NRG1: variants seen among roughly 807,000 people sequenced by gnomAD.
The protein encoded by NRG1 is neuregulin 1.
A neutral mutation model predicts 63.8 loss-of-function variants in NRG1; 18 were observed. The observed-to-expected ratio is 0.28, with a 90% CI of 0.19 to 0.42. The LOEUF (loss-of-function observed/expected upper bound fraction) is 0.42, where lower values mean the gene tolerates loss of function less well. NRG1 is among the 10% of genes least tolerant of loss of function. The pLI, the probability that NRG1 is intolerant of heterozygous loss-of-function variation, is 1.00. For synonymous variants in NRG1, 302 were observed against 301.3 expected, an observed-to-expected ratio of 1.00 and a Z score of -0.02; for missense variants, 762 against 814.7, an observed-to-expected ratio of 0.94 and a Z score of 0.79.
intron 1 of NRG1, among the ~76,000 whole-genome samples, chr8:32,106,871 G>A (rs1366261345): frequency 6.6e-6 from 1 of 151,968 alleles, no homozygotes; most frequent in Non-Finnish European, 1.5e-5. Flanking sequence ...TGATTTTAAA[G>A]GCCCTTGAAA....
At chr8:32,188,910 T>C (rs910858107) in intron 1 of NRG1, among the ~76,000 whole-genome samples, 2 of 151,960 alleles carry the variant, frequency 1.3e-5, no homozygotes, top group Non-Finnish European at 1.5e-5. Context: ...TGTATACATA[T>C]GTAACTAACC....
chr8:32,506,525 A>G (rs1248683065), intron 1 of NRG1, among the ~76,000 whole-genome samples: 1 of 152,214 alleles, frequency 6.6e-6, no homozygotes, highest in Non-Finnish European at 1.5e-5. Context: ...AGAGAAAACA[A>G]TGGCTGTCTC....
intron 5 of NRG1, among the ~76,000 whole-genome samples, chr8:32,689,537 C>A (rs41511347): frequency 0.036 from 5,402 of 152,104 alleles, 154 homozygotes; most frequent in Middle Eastern, 0.13. Context: ...TGCAATTGTG[C>A]TTTTAAAAAA....
chr8:32,108,499 G>A (rs1831570369), intron 1 of NRG1, among the ~76,000 whole-genome samples: 1 of 152,140 alleles, frequency 6.6e-6, no homozygotes, highest in Non-Finnish European at 1.5e-5. Context: ...AGCCCTCATG[G>A]CCTAATTACC....
At chr8:32,066,320 G>A (rs1045777448) in intron 1 of NRG1, among the ~76,000 whole-genome samples, 3 of 152,168 alleles carry the variant, frequency 2.0e-5, no homozygotes, top group African/African-American at 7.2e-5. Context: ...ATGGTTTTAG[G>A]TCTAACATTT....
chr8:31,653,501 A>T (rs1427241186), intron 1 of NRG1, among the ~76,000 whole-genome samples: 1 of 152,194 alleles, frequency 6.6e-6, no homozygotes, highest in Non-Finnish European at 1.5e-5. Flanking sequence ...TCACCTCCAG[A>T]CCAAATTGGC....
chr8:32,701,010 G>A (rs1034439542), intron 5 of NRG1, among the ~76,000 whole-genome samples: 3 of 152,010 alleles, frequency 2.0e-5, no homozygotes, highest in African/African-American at 7.3e-5. Flanking sequence ...CACCATGCTG[G>A]CCCTTTGCTT....
chr8:32,291,592 G>T (rs1402890034), intron 1 of NRG1, among the ~76,000 whole-genome samples: 1 of 134,642 alleles, frequency 7.4e-6, no homozygotes, highest in Non-Finnish European at 1.5e-5. Flanking sequence ...ATGCTGGAGT[G>T]CAGTGGCAAG....
chr8:32,002,868 C>A (rs1036370059), intron 1 of NRG1, among the ~76,000 whole-genome samples: 2 of 152,066 alleles, frequency 1.3e-5, no homozygotes, highest in Admixed American at 1.3e-4. Flanking sequence ...TATATTACCA[C>A]CTGGTTAGTC....
intron 1 of NRG1, among the ~76,000 whole-genome samples, chr8:32,121,483 A>T (rs188760833): frequency 9.9e-5 from 15 of 151,564 alleles, no homozygotes; most frequent in Admixed American, 6.6e-4. Flanking sequence ...GTTCCAGTTA[A>T]TTTTCTGCTT....
rs373885384 is a variant in NRG1, at chr8:31,738,409, T to C, written c.37+98978T>C. Reference sequence around the variant, plus strand: ...CATGTATAATGCCCTGCTGTACTGATATTCATGATAAAAATCAAGGTATTT... The same window carrying C: ...CATGTATAATGCCCTGCTGTACTGACATTCATGATAAAAATCAAGGTATTT... On this transcript the variant is annotated intron_variant, in intron 1 of 10. Coordinates refer to the NRG1 transcript ENST00000519301. Among the ~76,000 whole-genome samples the C allele has an allele frequency of 1.4e-4, 22 of 152,286 alleles. No individual in the cohort carries two copies. In the East Asian group the frequency reaches 1.9e-3, roughly 13 times the overall value.
rs1844647413 is a variant in NRG1 at position 32,210,964 on chromosome 8, T to A, written c.38-384864T>A. Among the ~76,000 whole-genome samples the A allele has an allele frequency of 2.6e-5, 4 of 152,236 alleles. No homozygotes were observed. The South Asian group carries it at 8.3e-4, about 31-fold the overall frequency. On this transcript the variant is annotated intron_variant, in intron 1 of 10. Coordinates refer to the NRG1 transcript ENST00000519301. ...TTTATTAAATATATTTGTTGCTGTT[T>A]TTCTTTTTTACTTGGTTGCTCACAA...
chr8:32,414,227 A>G (rs1477870047), intron 1 of NRG1, among the ~76,000 whole-genome samples: 1 of 152,174 alleles, frequency 6.6e-6, no homozygotes, highest in East Asian at 1.9e-4. Context: ...GGCTCAGTCC[A>G]CTGGCTCTTT....
At chr8:32,130,846 G>T (rs1416788151) in intron 1 of NRG1, among the ~76,000 whole-genome samples, 1 of 151,922 alleles carries the variant, frequency 6.6e-6, no homozygotes, top group African/African-American at 2.4e-5. Context: ...GAGTGCAGAA[G>T]ACTTTGAGGG....
intron 1 of NRG1, among the ~76,000 whole-genome samples, chr8:31,754,259 C>T (rs539125929): frequency 6.6e-6 from 1 of 152,150 alleles, no homozygotes; most frequent in South Asian, 2.1e-4. Flanking sequence ...GGAGGTGGGG[C>T]CTTGTGGCAG....
intron 1 of NRG1, among the ~76,000 whole-genome samples, chr8:32,073,718 G>A (rs1418601276): frequency 6.6e-6 from 1 of 152,174 alleles, no homozygotes; most frequent in Admixed American, 6.5e-5. Context: ...AATGTCACAT[G>A]TTCGTTGAAT....
rs76175064 is a variant in NRG1 at position 31,700,062 on chromosome 8, G to T, written c.37+60631G>T. 4.5e-3 allele frequency among the ~76,000 whole-genome samples: 691 copies of T among 152,226 alleles called. 9 individuals carry two copies. The highest frequency in any genetic ancestry group is 0.016 in the African/African-American group (648 of 41,540). On this transcript the variant is annotated intron_variant, in intron 1 of 10. Coordinates refer to the NRG1 transcript ENST00000519301. Reference sequence around the variant, plus strand: ...GTTCTTGTAAGATAAAACCTCCTTGGCCCCATGCAGGTACTCTCCTGATAT... The same window carrying T: ...GTTCTTGTAAGATAAAACCTCCTTGTCCCCATGCAGGTACTCTCCTGATAT...
At chr8:31,881,071 C>G (rs1254163979) in intron 1 of NRG1, among the ~76,000 whole-genome samples, 1 of 152,154 alleles carries the variant, frequency 6.6e-6, no homozygotes, top group Admixed American at 6.6e-5. Context: ...ATTTATTCAA[C>G]ATTTTTAAGT....
At chr8:32,605,407 A>T (rs1845095768) in intron 2 of NRG1, among the ~76,000 whole-genome samples, 155 bp from the exon 3 acceptor site, 1 of 152,212 alleles carries the variant, frequency 6.6e-6, no homozygotes, top group Non-Finnish European at 1.5e-5. Context: ...AGGTAAAATC[A>T]TGAGGTCAGA....
Sources: allele counts gnomAD v4.1 joint callset (sites outside exome capture counted in the v4.1 genomes callset), GRCh38; gene constraint gnomAD v4.1.1; transcripts MANE v1.5; gene names NCBI Gene and HGNC (gene_info 2026-07-23, HGNC 2026-07-21).